Variants in KPNA7 observed in about 807,000 individuals in gnomAD.
The protein encoded by KPNA7 is importin subunit alpha-8.
KPNA7 carries 54 observed loss-of-function variants against 53.7 expected under a neutral mutation model. The ratio of observed to expected loss-of-function variants is 1.01; its 90% CI spans 0.81 to 1.26. The LOEUF (loss-of-function observed/expected upper bound fraction) is 1.26, where lower values mean the gene tolerates loss of function less well. Among genes scored for constraint, KPNA7 ranks in the 50% most tolerant of loss-of-function variants. KPNA7 has a pLI of 0.00. For synonymous variants in KPNA7, 276 were observed against 259.3 expected, an observed-to-expected ratio of 1.06 and a Z score of -0.62; for missense variants, 640 against 644.5, an observed-to-expected ratio of 0.99 and a Z score of 0.07.
intron 1 of KPNA7, among the ~76,000 whole-genome samples, chr7:99,218,726 T>C (rs906672296): frequency 6.6e-6 from 1 of 152,170 alleles, no homozygotes; most frequent in African/African-American, 2.4e-5. Flanking sequence ...GCTGCCCCCA[T>C]GGGCAGGCAG....
intron 6 of KPNA7, among the ~76,000 whole-genome samples, chr7:99,190,837 C>T (rs1054643887): frequency 2.6e-5 from 4 of 151,666 alleles, no homozygotes; most frequent in Admixed American, 6.6e-5. Flanking sequence ...ACAAAGCAAG[C>T]GGCCAGCCAG....
chr7:99,180,915 G>C lies in KPNA7; in HGVS notation c.1317+968C>G, dbSNP rs865854759. Among the ~76,000 whole-genome samples the C allele has an allele frequency of 1.9e-3, 31 of 16,130 alleles. 1 individual carries two copies. Among genetic ancestry groups the C allele is most frequent in the Admixed American group, 6.0e-3 (7 of 1,172 alleles). The allele number at this position is 16,130 out of a possible 152,430, so 10.6% of individuals were successfully genotyped here. On this transcript the variant is annotated intron_variant, in intron 9 of 10. Coordinates refer to ENST00000327442, the MANE Select transcript of KPNA7 (RefSeq NM_001145715.3). The stretch of plus-strand genomic sequence containing the variant: ...TCTCTCTCCCCATCTCTCTCTCCCC[G>C]TCTGTGTCTCTCTCTCTCTCCCCGT...
chr7:99,174,378 T>C (rs771883653), intron 10 of KPNA7, among the ~76,000 whole-genome samples: 2 of 152,184 alleles, frequency 1.3e-5, no homozygotes, highest in Non-Finnish European at 2.9e-5. Flanking sequence ...TATTTCATTA[T>C]ATATTACCAT....
intron 8 of KPNA7, among the ~76,000 whole-genome samples, chr7:99,184,169 T>A (rs1054709841): frequency 6.6e-6 from 1 of 151,078 alleles, no homozygotes; most frequent in South Asian, 2.1e-4. Flanking sequence ...TTTTTTTTTT[T>A]TTTGAGACAG....
At chr7:99,201,011 A>T (rs1790503314) in intron 3 of KPNA7, among the ~76,000 whole-genome samples, 1 of 152,186 alleles carries the variant, frequency 6.6e-6, no homozygotes, top group Admixed American at 6.6e-5. Flanking sequence ...TCTCCATATA[A>T]CAGATTATCA....
At chr7:99,163,383 A>ATATTTTTTTT in the KPNA7 span, among the ~76,000 whole-genome samples, 6 of 40,814 alleles carry the variant, frequency 1.5e-4, no homozygotes, top group African/African-American at 4.7e-4. Flanking sequence ...ATATATATAT[A>ATATTTTTTTT]TTTTTTTTTT....
At chr7:99,189,873 T>G (rs1250373990) in intron 6 of KPNA7, among the ~76,000 whole-genome samples, 1 of 150,914 alleles carries the variant, frequency 6.6e-6, no homozygotes, top group Non-Finnish European at 1.5e-5. Flanking sequence ...ATTACAGACA[T>G]AAGCGCCTGG....
chr7:99,185,296 A>G lies in KPNA7; in HGVS notation c.901-134T>C, dbSNP rs556039119. On this transcript the variant is annotated intron_variant, in intron 7 of 10. Transcript: ENST00000327442. ...GTTGTCTGACAGCCTGTGAACAGGA[A>G]TTGTATCTGTGATCATTATTCAATT... The G allele has an allele frequency of 1.7e-4, 114 of 660,574 alleles. 1 individual carries two copies. In the South Asian group the frequency reaches 2.0e-3, roughly 11 times the overall value. The allele number at this position is 660,574 out of a possible 1,614,324, so 40.9% of individuals were successfully genotyped here. A position where few individuals can be genotyped will look rare whatever the true frequency, so the allele number is the denominator to read the frequency against.
the KPNA7 span, among the ~76,000 whole-genome samples, chr7:99,146,024 A>G: frequency 5.3e-5 from 8 of 152,210 alleles, no homozygotes; most frequent in Admixed American, 5.2e-4. Flanking sequence ...CAGAGAGTGA[A>G]TGCCTGGGTC....
At chr7:99,176,614 C>T (rs1475957512) in intron 10 of KPNA7, among the ~76,000 whole-genome samples, 1 of 152,164 alleles carries the variant, frequency 6.6e-6, no homozygotes, top group Admixed American at 6.6e-5. Context: ...GTGGCACAGA[C>T]CTGTAATTCC....
the KPNA7 span, among the ~76,000 whole-genome samples, chr7:99,166,214 A>G: frequency 6.6e-6 from 1 of 152,140 alleles, no homozygotes; most frequent in African/African-American, 2.4e-5. Flanking sequence ...ACAGACTAAT[A>G]CACTGGGATT....
chr7:99,185,292 A>G (rs1355301169), intron 7 of KPNA7, 130 bp from the exon 8 acceptor site: 1 of 667,668 alleles, frequency 1.5e-6, no homozygotes, highest in East Asian at 2.8e-5. Context: ...GCCTGTGAAC[A>G]GGAATTGTAT....
chr7:99,187,214 C>A (rs1019020025), intron 7 of KPNA7, among the ~76,000 whole-genome samples: 1 of 151,998 alleles, frequency 6.6e-6, no homozygotes, highest in Admixed American at 6.6e-5. Context: ...TGCTTGAAGT[C>A]GGGAGGTGGA....
rs34717081 is a variant in KPNA7, at chr7:99,177,572, C to CAA, written c.1464+346_1464+347dup. Among the ~76,000 whole-genome samples, 209 of 41,772 alleles carry CAA rather than the reference C, an allele frequency of 5.0e-3. 11 individuals are homozygous for CAA. Among genetic ancestry groups the CAA allele is most frequent in the African/African-American group, 0.013 (161 of 12,418 alleles). 27.4% of individuals were successfully genotyped at this position (41,772 alleles called of 152,430 possible). On this transcript the variant is annotated intron_variant, in intron 10 of 10. Transcript: ENST00000327442. ...CCTGGGCAACAGAGTGAAACCATCTCAAAAAAAAAAAAAAAAAAAAAAAAA... is the reference window on the plus strand; with the variant it reads ...CCTGGGCAACAGAGTGAAACCATCTCAAAAAAAAAAAAAAAAAAAAAAAAAAA...
At chr7:99,187,177 C>A (rs959590418) in intron 7 of KPNA7, among the ~76,000 whole-genome samples, 2 of 152,216 alleles carry the variant, frequency 1.3e-5, no homozygotes, top group Admixed American at 1.3e-4. Context: ...GTGATCCCAG[C>A]TACTCAGGAG....
intron 6 of KPNA7, among the ~76,000 whole-genome samples, chr7:99,192,765 T>C (rs1421586080): frequency 6.6e-6 from 1 of 152,080 alleles, no homozygotes; most frequent in Admixed American, 6.6e-5. Context: ...GATCTAGCAT[T>C]GGATTTGGAA....
At chr7:99,171,081 G>A (rs114632970), downstream of KPNA7, among the ~76,000 whole-genome samples, 1,816 of 152,216 alleles carry the variant, frequency 0.012, 34 homozygotes, top group African/African-American at 0.041. Flanking sequence ...TTAGCTGGGC[G>A]TGTTCGCGGG....
At chr7:99,155,936 T>C in the KPNA7 span, among the ~76,000 whole-genome samples, 1 of 152,212 alleles carries the variant, frequency 6.6e-6, no homozygotes, top group South Asian at 2.1e-4. Flanking sequence ...ATCAATTTCA[T>C]CCTTCCAACA....
intron 9 of KPNA7, among the ~76,000 whole-genome samples, chr7:99,178,515 C>T (rs1259614373): frequency 6.6e-6 from 1 of 152,062 alleles, no homozygotes; most frequent in Non-Finnish European, 1.5e-5. Context: ...TTGCAGTGAT[C>T]TGACATTGCG....
Sources: allele counts gnomAD v4.1 joint callset (sites outside exome capture counted in the v4.1 genomes callset), GRCh38; gene constraint gnomAD v4.1.1; transcripts MANE v1.5; gene names NCBI Gene and HGNC (gene_info 2026-07-23, HGNC 2026-07-21).